The following IGF2R variants were observed in gnomAD, a reference collection of about 807,000 sequenced individuals.
IGF2R encodes the protein insulin like growth factor 2 receptor.
IGF2R carries 91 observed loss-of-function variants against 270.6 expected under a neutral mutation model. The ratio of observed to expected loss-of-function variants is 0.34; its 90% CI spans 0.28 to 0.40. The LOEUF (loss-of-function observed/expected upper bound fraction) is 0.40. Ranked by LOEUF, IGF2R falls within the 10% of genes least tolerant of loss-of-function variation. IGF2R has a pLI of 1.00. For missense variants in IGF2R, 2,805 were observed against 3,188.3 expected, an observed-to-expected ratio of 0.88 and a Z score of 2.90; for synonymous variants, 1,316 against 1,258.9, an observed-to-expected ratio of 1.05 and a Z score of -0.96.
chr6:160,010,555 A>G, intron 3 of IGF2R, 132 bp from the exon 4 acceptor site: 1 of 598,038 alleles, frequency 1.7e-6, no homozygotes, highest in Non-Finnish European at 3.0e-6. Context: ...GTTTAACTAA[A>G]GCGGTTGCAT....
intron 1 of IGF2R, among the ~76,000 whole-genome samples, chr6:159,972,346 A>G (rs1783622713): frequency 6.6e-6 from 1 of 152,188 alleles, no homozygotes; most frequent in South Asian, 2.1e-4. Context: ...AAATGTTTGT[A>G]AATTGGTAAT....
At chr6:160,067,815 G>A (rs964433278) in intron 29 of IGF2R, among the ~76,000 whole-genome samples, 1 of 152,156 alleles carries the variant, frequency 6.6e-6, no homozygotes, top group Non-Finnish European at 1.5e-5. Flanking sequence ...AACTGCTGGC[G>A]GCCTTGGTTT....
At chr6:159,997,258 C>G (rs1184812057) in intron 2 of IGF2R, among the ~76,000 whole-genome samples, 5 of 152,082 alleles carry the variant, frequency 3.3e-5, no homozygotes, top group African/African-American at 1.2e-4. Context: ...GGGTAGATCT[C>G]TGGGAACCCT....
At chr6:160,031,421 C>G (rs937619039) in intron 7 of IGF2R, among the ~76,000 whole-genome samples, 9 of 151,918 alleles carry the variant, frequency 5.9e-5, no homozygotes, top group African/African-American at 7.3e-5. Flanking sequence ...TCATCACAAT[C>G]TAATTTTGCA....
At chr6:160,062,457 C>T in intron 25 of IGF2R, 75 bp from the exon 26 acceptor site, 1 of 1,130,970 alleles carries the variant, frequency 8.8e-7, no homozygotes, top group Non-Finnish European at 1.3e-6. Context: ...CAGGTGTGAG[C>T]CACCGTGCCC....
intron 44 of IGF2R, 95 bp downstream of exon 44, chr6:160,090,198 C>A: frequency 1.1e-6 from 1 of 886,686 alleles, no homozygotes; most frequent in Non-Finnish European, 1.6e-6. Context: ...AAATCTCGGA[C>A]CACTTTTAAA....
At chr6:159,971,146 T>G (rs8191696) in intron 1 of IGF2R, among the ~76,000 whole-genome samples, 1,587 of 152,320 alleles carry the variant, frequency 0.01, 25 homozygotes, top group African/African-American at 0.037. Context: ...AGTCTTGGTC[T>G]TGTTAACAAA....
intron 1 of IGF2R, among the ~76,000 whole-genome samples, chr6:159,984,593 A>G (rs1783853817): frequency 1.3e-5 from 2 of 152,216 alleles, no homozygotes; most frequent in South Asian, 4.1e-4. Context: ...GTGCAGCGTC[A>G]TGCTGTGTGG....
rs773728864 is a variant in IGF2R, at chr6:160,083,981, T to A, written c.5865T>A (p.Phe1955Leu). Residue 1955 changes from phenylalanine to leucine, a missense_variant, in exon 40 of 48, where the codon TTT (phenylalanine) becomes TTA (leucine). Around this residue, in one of 2 missense-constraint regions of IGF2R, gnomAD observed 1,851 missense variants for 2,207.2 expected, o/e 0.84. Transcript: ENST00000356956. Reference protein sequence around the residue: ...SNSYRTSSIIFKCDEDEDIGR... With the variant: ...SNSYRTSSIILKCDEDEDIGR... ...GCTACCGGACATCCAGCATCATATTTAAGTGTGATGAAGATGAGGACATTG... is the reference window on the plus strand; with the variant it reads ...GCTACCGGACATCCAGCATCATATTAAAGTGTGATGAAGATGAGGACATTG... 1 of 1,613,988 alleles carries A rather than the reference T, an allele frequency of 6.2e-7. No individual in the cohort carries two copies.
intron 11 of IGF2R, 120 bp from the exon 12 acceptor site, chr6:160,043,028 T>G: frequency 9.8e-7 from 1 of 1,021,250 alleles, no homozygotes; most frequent in South Asian, 1.6e-5. Flanking sequence ...CGCTGGGGAT[T>G]GAGTGACGAA....
intron 25 of IGF2R, 101 bp from the exon 26 acceptor site, chr6:160,062,431 C>T: frequency 2.3e-6 from 2 of 861,506 alleles, no homozygotes; most frequent in Non-Finnish European, 3.9e-6. Flanking sequence ...CTCGGCCTCC[C>T]AAAGTGCTGA....
intron 19 of IGF2R, among the ~76,000 whole-genome samples, chr6:160,056,114 C>G (rs1416947593): frequency 6.6e-6 from 1 of 152,154 alleles, no homozygotes; most frequent in Non-Finnish European, 1.5e-5. Flanking sequence ...TTGCATTCAA[C>G]TTTTTGTGTA....
In IGF2R at chr6:160,080,961, C is replaced by CA. The variant is rs35843483; in HGVS notation, c.5833+701dup. 2.5e-3 allele frequency among the ~76,000 whole-genome samples: 339 copies of CA among 137,438 alleles called. 4 individuals carry two copies. The highest frequency in any genetic ancestry group is 7.4e-3 in the Middle Eastern group (2 of 272). The allele number at this position is 137,438 out of a possible 152,430, so 90.2% of individuals were successfully genotyped here. On this transcript the variant is annotated intron_variant, in intron 39 of 47. Coordinates refer to ENST00000356956, the MANE Select transcript of IGF2R (RefSeq NM_000876.4). ...TGAAACCCCGTCTCTACTAAAAATA[C>CA]AAAAAAAAAAAAAAATTAGCTGGGC...
chr6:160,029,411 A>G (rs1410266240), intron 6 of IGF2R, 139 bp from the exon 7 acceptor site: 3 of 547,512 alleles, frequency 5.5e-6, no homozygotes, highest in Admixed American at 3.2e-5. Flanking sequence ...TTTATACCAT[A>G]TCTACTTTTA....
chr6:160,091,386 G>C (rs1583302789), intron 44 of IGF2R, among the ~76,000 whole-genome samples: 1 of 152,104 alleles, frequency 6.6e-6, no homozygotes, highest in African/African-American at 2.4e-5. Flanking sequence ...GCATCGCCGA[G>C]AAGGAGCAGG....
At chr6:159,992,442 T>G (rs924705367) in intron 2 of IGF2R, among the ~76,000 whole-genome samples, 1 of 152,218 alleles carries the variant, frequency 6.6e-6, no homozygotes, top group Non-Finnish European at 1.5e-5. Context: ...ATTTAGTTTC[T>G]ACTTATAAGT....
chr6:160,047,584 A>T (rs540958306), intron 16 of IGF2R, among the ~76,000 whole-genome samples: 1 of 152,344 alleles, frequency 6.6e-6, no homozygotes, highest in African/African-American at 2.4e-5. Flanking sequence ...AAAATCCTGA[A>T]TTAACCCCCA....
chr6:160,021,755 AAAAG>A (rs1777442516), intron 4 of IGF2R, among the ~76,000 whole-genome samples: 2 of 152,198 alleles, frequency 1.3e-5, no homozygotes, highest in African/African-American at 4.8e-5. Context: ...TTGCAGAAAA[AAAAG>A]AGAACACTTA....
At chr6:160,062,168 A>ATTTTT (rs34356477) in intron 25 of IGF2R, among the ~76,000 whole-genome samples, 36 of 106,596 alleles carry the variant, frequency 3.4e-4, no homozygotes, top group Non-Finnish European at 5.1e-4. Flanking sequence ...CATTTATTTA[A>ATTTTT]TTTTTTTTTT....
Sources: allele counts gnomAD v4.1 joint callset (sites outside exome capture counted in the v4.1 genomes callset), GRCh38; gene constraint gnomAD v4.1.1; regional missense constraint gnomAD v4.1.1; transcripts MANE v1.5; gene names NCBI Gene and HGNC (gene_info 2026-07-23, HGNC 2026-07-21).